APPL2: variants seen among roughly 807,000 people sequenced by gnomAD.
The protein encoded by APPL2 is adaptor protein, phosphotyrosine interacting with PH domain and leucine zipper 2, also known as DCC-interacting protein 13-beta.
APPL2 carries 84 observed loss-of-function variants against 92.7 expected under a neutral mutation model. The ratio of observed to expected loss-of-function variants is 0.91; its 90% confidence interval spans 0.76 to 1.09. APPL2 has a LOEUF of 1.09. Among genes scored for constraint, APPL2 ranks in the 50% least tolerant of loss-of-function variants. The pLI, the probability that APPL2 is intolerant of heterozygous loss-of-function variation, is 0.00. For missense variants in APPL2, 736 were observed against 824.5 expected (o/e 0.89, Z 1.31); for synonymous variants, 291 against 291.0 (o/e 1.00, Z 0.00).
rs113182861 is a variant in APPL2 at position 105,226,228 on chromosome 12, G to A, written c.153+2897C>T. ...TTCTTTCTTCAATTAAAAACAAAAC[G>A]AAACACCTAAGCTTTCAAAGAAACC... On this transcript the variant is annotated intron_variant, in intron 2 of 20. Transcript: ENST00000258530. Among the ~76,000 whole-genome samples the A allele has an allele frequency of 2.9e-3, 438 of 152,184 alleles. 2 individuals are homozygous for A. Among genetic ancestry groups the A allele is most frequent in the African/African-American group, 9.9e-3 (411 of 41,536 alleles).
In APPL2 at chr12:105,188,620, G is replaced by A. The variant is rs537525177; in HGVS notation, c.1460-173C>T. On this transcript the variant is annotated intron_variant, in intron 16 of 20. Coordinates refer to ENST00000258530, the MANE Select transcript of APPL2 (RefSeq NM_018171.5). ...TGCCAAAGCTCTGCGTCTTCCATTT[G>A]TCTACATCTTGTCAGTTTGTTTGGA... 2.0e-5 allele frequency among the ~76,000 whole-genome samples: 3 copies of A among 152,104 alleles called. No individual in the cohort carries two copies. In the South Asian group the frequency reaches 6.2e-4, roughly 31 times the overall value.
chr12:105,217,593 A>G, intron 3 of APPL2, 73 bp downstream of exon 3: 2 of 1,414,890 alleles, frequency 1.4e-6, no homozygotes, highest in Non-Finnish European at 2.0e-6. Flanking sequence ...GTCTCTAAGG[A>G]TGCCTCTGGA....
intron 7 of APPL2, among the ~76,000 whole-genome samples, chr12:105,207,413 G>A (rs1888819549): frequency 6.6e-6 from 1 of 152,178 alleles, no homozygotes; most frequent in Non-Finnish European, 1.5e-5. Flanking sequence ...GTGAGGCCGC[G>A]GTGAGGTGAA....
At chr12:105,195,387 G>A in intron 13 of APPL2, 38 bp from the exon 14 acceptor site, 1 of 1,614,136 alleles carries the variant, frequency 6.2e-7, no homozygotes, top group Non-Finnish European at 8.5e-7. Flanking sequence ...GTCCCAGGAG[G>A]TGGACGCTTA....
chr12:105,193,748 C>T (rs1035968852), intron 14 of APPL2, among the ~76,000 whole-genome samples: 1 of 152,150 alleles, frequency 6.6e-6, no homozygotes, highest in African/African-American at 2.4e-5. Flanking sequence ...TTTACGTTCT[C>T]ATGTTCTGCT....
intron 17 of APPL2, among the ~76,000 whole-genome samples, chr12:105,181,766 T>A (rs1886136733): frequency 6.6e-6 from 1 of 152,210 alleles, no homozygotes; most frequent in African/African-American, 2.4e-5. Flanking sequence ...TTTATAGTAT[T>A]CTCTGTTGGT....
intron 2 of APPL2, among the ~76,000 whole-genome samples, chr12:105,222,336 A>G (rs1010896837): frequency 6.6e-6 from 1 of 152,094 alleles, no homozygotes; most frequent in Non-Finnish European, 1.5e-5. Flanking sequence ...AGAATAGATG[A>G]GGGGGACTGA....
intron 8 of APPL2, among the ~76,000 whole-genome samples, chr12:105,205,337 T>C (rs2135998814): frequency 6.6e-6 from 1 of 152,210 alleles, no homozygotes; most frequent in East Asian, 1.9e-4. Context: ...AAATGAAAGA[T>C]GCCATTCTCA....
intron 14 of APPL2, among the ~76,000 whole-genome samples, chr12:105,191,650 A>C (rs1887208608): frequency 6.6e-6 from 1 of 152,200 alleles, no homozygotes; most frequent in Non-Finnish European, 1.5e-5. Flanking sequence ...CATAGGAGTG[A>C]CATGATGTTA....
chr12:105,188,334 C>G lies in APPL2; in HGVS notation c.1573G>C (p.Ala525Pro), dbSNP rs1422000567. 1.2e-6 allele frequency: 2 copies of G among 1,614,194 alleles called. No homozygotes were observed. The highest frequency in any genetic ancestry group is 1.1e-5 in the South Asian group (1 of 91,084). Residue 525 changes from alanine (A) to proline (P), a missense_variant, in exon 17 of 21, where the codon GCT (alanine) becomes CCT (proline). Coordinates refer to ENST00000258530, the MANE Select transcript of APPL2 (RefSeq NM_018171.5). ...EAMRQVLAAR[A>P]IHNIFRMTES... ...GTCATGCGGAAGATGTTATGAATAG[C>G]CCGAGCAGCCAATACTTGTCTCATC... is the stretch of plus-strand genomic sequence containing the variant.
intron 2 of APPL2, among the ~76,000 whole-genome samples, chr12:105,223,711 C>T (rs114977842): frequency 6.7e-4 from 102 of 152,300 alleles, no homozygotes; most frequent in African/African-American, 2.1e-3. Flanking sequence ...GATGAGAGGA[C>T]TAAACTTCTA....
intron 5 of APPL2, among the ~76,000 whole-genome samples, chr12:105,208,656 GAA>G (rs1274191039): frequency 6.6e-6 from 1 of 152,172 alleles, no homozygotes; most frequent in Non-Finnish European, 1.5e-5. Context: ...CTGGACAAAG[GAA>G]TACGCGGTGC....
At chr12:105,175,741 C>CGGTGG (rs1211956804) in intron 20 of APPL2, among the ~76,000 whole-genome samples, 1 of 144,918 alleles carries the variant, frequency 6.9e-6, no homozygotes, top group African/African-American at 2.6e-5. Context: ...GAGCAGCACA[C>CGGTGG]GGTGGGTACT....
At chr12:105,183,092 T>TC (rs1886269255) in intron 17 of APPL2, among the ~76,000 whole-genome samples, 1 of 70,510 alleles carries the variant, frequency 1.4e-5, no homozygotes, top group African/African-American at 4.8e-5. Context: ...TTTTTTTTTT[T>TC]GCTTTCCATT....
At chr12:105,228,647 A>C (rs1210827068) in intron 2 of APPL2, among the ~76,000 whole-genome samples, 1 of 148,756 alleles carries the variant, frequency 6.7e-6, no homozygotes, top group Non-Finnish European at 1.5e-5. Flanking sequence ...TGCTTTTGCA[A>C]GCCAGAGATA....
intron 10 of APPL2, among the ~76,000 whole-genome samples, 192 bp from the exon 11 acceptor site, chr12:105,198,145 A>G (rs1887830104): frequency 6.6e-6 from 1 of 152,188 alleles, no homozygotes; most frequent in Non-Finnish European, 1.5e-5. Context: ...GATCTGGGAG[A>G]TCATGGGCTC....
chr12:105,198,808 TG>T (rs1887887694), intron 10 of APPL2, among the ~76,000 whole-genome samples: 1 of 152,364 alleles, frequency 6.6e-6, no homozygotes, highest in Non-Finnish European at 1.5e-5. Flanking sequence ...TCAGCCCAGC[TG>T]GGATGTCTGA....
At chr12:105,199,779 G>A (rs1402581320) in intron 9 of APPL2, among the ~76,000 whole-genome samples, 3 of 152,046 alleles carry the variant, frequency 2.0e-5, no homozygotes, top group African/African-American at 7.2e-5. Context: ...GAATGCCATT[G>A]AACTATGCTT....
intron 1 of APPL2, among the ~76,000 whole-genome samples, chr12:105,233,708 T>A (rs1297034091): frequency 6.6e-6 from 1 of 151,680 alleles, no homozygotes. Context: ...ATATCCCTAG[T>A]ACAGGCAAGT....
Sources: allele counts gnomAD v4.1 joint callset (sites outside exome capture counted in the v4.1 genomes callset), GRCh38; gene constraint gnomAD v4.1.1; transcripts MANE v1.5; gene names NCBI Gene and HGNC (gene_info 2026-07-23, HGNC 2026-07-21).